Variants in INIP observed in about 807,000 individuals in gnomAD.
The protein encoded by INIP is INTS3 and NABP interacting protein.
In INIP, 9 loss-of-function variants were observed where a neutral mutation model predicts 14.0. The observed-to-expected ratio is 0.64, with a 90% CI of 0.39 to 1.12. The LOEUF (loss-of-function observed/expected upper bound fraction) is 1.12, where lower values mean the gene tolerates loss of function less well. Ranked by LOEUF, INIP falls within the 50% of genes most tolerant of loss-of-function variation. INIP has a pLI of 0.01. For missense variants in INIP, 78 were observed against 122.7 expected (o/e 0.64, Z 1.72); for synonymous variants, 37 against 41.5 (o/e 0.89, Z 0.41).
At chr9:112,706,804 C>G (rs567809434) in intron 2 of INIP, among the ~76,000 whole-genome samples, 14 of 152,220 alleles carry the variant, frequency 9.2e-5, no homozygotes, top group African/African-American at 3.1e-4. Flanking sequence ...AGGGTTCTTG[C>G]TGTGTTGCCC....
In INIP at chr9:112,686,957, T is replaced by C. The variant is rs1382372324; in HGVS notation, c.*581A>G. 3 of 152,264 alleles carry C rather than the reference T, an allele frequency of 2.0e-5. No individual in the cohort carries two copies. Among genetic ancestry groups the C allele is most frequent in the African/African-American group, 7.2e-5 (3 of 41,462 alleles). 9.4% of individuals were successfully genotyped at this position (152,264 alleles called of 1,614,324 possible). A position where few individuals can be genotyped will look rare whatever the true frequency, so the allele number is the denominator to read the frequency against. On this transcript the variant is annotated 3_prime_UTR_variant, in exon 5 of 5. Transcript: ENST00000374242. ...CAACATTTATAAGAGCATATGTTTA[T>C]AAAAGATGGTTAAGACTGGTTAGTA... is the stretch of plus-strand genomic sequence containing the variant.
At chr9:112,687,657 G>C (rs1213161129) in intron 4 of INIP, 24 bp from the exon 5 acceptor site, 2 of 1,394,660 alleles carry the variant, frequency 1.4e-6, no homozygotes, top group Non-Finnish European at 2.0e-6. Context: ...AAAACAAAAA[G>C]GCAATTAAGC....
chr9:112,696,792 G>T (rs1451797484), intron 2 of INIP, among the ~76,000 whole-genome samples: 1 of 152,192 alleles, frequency 6.6e-6, no homozygotes, highest in Non-Finnish European at 1.5e-5. Context: ...TTAATAAAGG[G>T]TATTACAAAG....
intron 2 of INIP, among the ~76,000 whole-genome samples, chr9:112,709,269 T>C (rs1588086882): frequency 6.6e-6 from 1 of 152,094 alleles, no homozygotes; most frequent in Non-Finnish European, 1.5e-5. Context: ...ATTAGATTAA[T>C]CCCAATAAAG....
Position 112,717,978 on chromosome 9 carries a change from C to G in INIP, c.-57+9G>C, listed in dbSNP as rs1838884047. ...CTATTGCCCGGTGCCTCCAGACTGT[C>G]GTACTTACCTGGGACCCGAGGACAC... On this transcript the variant is annotated intron_variant, in intron 1 of 4. Coordinates refer to ENST00000374242, the MANE Select transcript of INIP (RefSeq NM_021218.3). The G allele has an allele frequency of 6.5e-6, 1 of 152,688 alleles. No homozygotes were observed. Among genetic ancestry groups the G allele is most frequent in the Non-Finnish European group, 1.5e-5 (1 of 68,072 alleles). The allele number at this position is 152,688 out of a possible 1,614,324, so 9.5% of individuals were successfully genotyped here.
rs550644929 is a variant in INIP, at chr9:112,685,410, CT to C, written c.*2127del. Reference sequence around the variant, plus strand: ...CCTTTGTGTCCCCCAAAGCACAGTACTTTATCTGTAGGTATTAATAAATACA... The same window carrying C: ...CCTTTGTGTCCCCCAAAGCACAGTACTTATCTGTAGGTATTAATAAATACA... On this transcript the variant is annotated 3_prime_UTR_variant, in exon 5 of 5. Coordinates refer to ENST00000374242, the MANE Select transcript of INIP (RefSeq NM_021218.3). 240 of 152,176 alleles carry C rather than the reference CT, an allele frequency of 1.6e-3. 2 individuals carry two copies. The highest frequency in any genetic ancestry group is 5.5e-3 in the African/African-American group (227 of 41,512). The allele number at this position is 152,176 out of a possible 1,614,324, so 9.4% of individuals were successfully genotyped here. A position where few individuals can be genotyped will look rare whatever the true frequency, so the allele number is the denominator to read the frequency against.
intron 2 of INIP, among the ~76,000 whole-genome samples, chr9:112,711,844 ATAAC>A (rs1838658060): frequency 6.6e-6 from 1 of 152,258 alleles, no homozygotes; most frequent in African/African-American, 2.4e-5. Context: ...TGTCCTAAAT[ATAAC>A]TAATAAACTA....
chr9:112,717,698 C>T (rs1343336049), intron 1 of INIP, among the ~76,000 whole-genome samples: 1 of 152,174 alleles, frequency 6.6e-6, no homozygotes, highest in African/African-American at 2.4e-5. Flanking sequence ...CGTTAGGTGT[C>T]TCCAGCGGCT....
chr9:112,717,527 T>TAA (rs58903292), intron 1 of INIP, among the ~76,000 whole-genome samples: 13 of 138,726 alleles, frequency 9.4e-5, no homozygotes, highest in African/African-American at 2.9e-4. Flanking sequence ...TACTATTAAT[T>TAA]AAAAAAAAAA....
rs1442086168 is a variant in INIP, at chr9:112,685,693, A to ATGAC, written c.*1841_*1844dup. On this transcript the variant is annotated 3_prime_UTR_variant, in exon 5 of 5. Coordinates refer to ENST00000374242, the MANE Select transcript of INIP (RefSeq NM_021218.3). ...TAGAACCATGTCAGTTATGTTGCAGATGACAGAGAACAGAAACCTAGTGAA... is the reference window on the plus strand; with the variant it reads ...TAGAACCATGTCAGTTATGTTGCAGATGACTGACAGAGAACAGAAACCTAGTGAA... 6.6e-6 allele frequency: 1 copy of ATGAC among 152,214 alleles called. No individual in the cohort carries two copies. Among genetic ancestry groups the ATGAC allele is most frequent in the Non-Finnish European group, 1.5e-5 (1 of 68,048 alleles). The allele number at this position is 152,214 out of a possible 1,614,324, so 9.4% of individuals were successfully genotyped here.
chr9:112,715,757 G>C (rs1016386916), intron 2 of INIP, among the ~76,000 whole-genome samples: 1 of 147,398 alleles, frequency 6.8e-6, no homozygotes, highest in African/African-American at 2.5e-5. Flanking sequence ...TGGGCAACAA[G>C]AGCGAAATTC....
chr9:112,715,197 A>G (rs1246641031), intron 2 of INIP, among the ~76,000 whole-genome samples: 1 of 151,052 alleles, frequency 6.6e-6, no homozygotes, highest in Non-Finnish European at 1.5e-5. Context: ...AAGACAAAAA[A>G]TGGTATACCT....
At chr9:112,695,841 GAGA>G (rs373737020) in intron 2 of INIP, among the ~76,000 whole-genome samples, 122 of 114,042 alleles carry the variant, frequency 1.1e-3, no homozygotes, top group Admixed American at 1.4e-3. Context: ...GGAGAAGAAG[GAGA>G]AGAAGAAGGA....
At chr9:112,707,724 A>G (rs919370751) in intron 2 of INIP, among the ~76,000 whole-genome samples, 75 of 152,184 alleles carry the variant, frequency 4.9e-4, no homozygotes, top group African/African-American at 1.6e-3. Flanking sequence ...ACAATCTACT[A>G]CACTTTCATA....
At chr9:112,693,990 G>C in intron 3 of INIP, 141 bp downstream of exon 3, 1 of 461,628 alleles carries the variant, frequency 2.2e-6, no homozygotes, top group South Asian at 2.9e-5. Context: ...CAGGAGAATC[G>C]CTAGAACCCG....
intron 2 of INIP, among the ~76,000 whole-genome samples, chr9:112,698,792 G>A (rs1407857573): frequency 6.6e-6 from 1 of 152,112 alleles, no homozygotes; most frequent in East Asian, 1.9e-4. Flanking sequence ...CTATCTTAAG[G>A]AGCAGAAAAA....
intron 2 of INIP, among the ~76,000 whole-genome samples, chr9:112,700,368 G>A (rs2131298335): frequency 6.6e-6 from 1 of 151,930 alleles, no homozygotes; most frequent in South Asian, 2.1e-4. Context: ...TGAGGCCCCT[G>A]GGATTTTTCC....
intron 3 of INIP, 199 bp downstream of exon 3, chr9:112,693,932 G>C (rs947485873): frequency 2.8e-6 from 1 of 356,782 alleles, no homozygotes; most frequent in Non-Finnish European, 5.1e-6. Flanking sequence ...AAAATTTGCT[G>C]GGTGTCGTGG....
intron 3 of INIP, among the ~76,000 whole-genome samples, chr9:112,692,804 T>G (rs1837937918): frequency 6.6e-6 from 1 of 151,224 alleles, no homozygotes; most frequent in Non-Finnish European, 1.5e-5. Flanking sequence ...TTTGGGAGGC[T>G]GAGGCAGGAG....
Sources: allele counts gnomAD v4.1 joint callset (sites outside exome capture counted in the v4.1 genomes callset), GRCh38; gene constraint gnomAD v4.1.1; transcripts MANE v1.5; gene names NCBI Gene and HGNC (gene_info 2026-07-23, HGNC 2026-07-21).